The following TG variants were observed in gnomAD, a reference collection of about 807,000 sequenced individuals.
TG encodes thyroid hormones.
A neutral mutation model predicts 324.7 loss-of-function variants in TG; 270 were observed. That is an observed-to-expected ratio of 0.83 (90% confidence interval 0.75 to 0.92). The LOEUF (loss-of-function observed/expected upper bound fraction) is 0.92. Among genes scored for constraint, TG ranks in the 40% least tolerant of loss-of-function variants. TG has a pLI of 0.00. For synonymous variants in TG, 1,401 were observed against 1,327.0 expected (o/e 1.06, Z -1.21); for missense variants, 3,591 against 3,456.4 (o/e 1.04, Z -0.98).
At chr8:132,956,937 G>A (rs562115853) in intron 27 of TG, among the ~76,000 whole-genome samples, 1 of 152,142 alleles carries the variant, frequency 6.6e-6, no homozygotes, top group Non-Finnish European at 1.5e-5. Context: ...GAGACTGATG[G>A]AGAAGGAGTC....
intron 5 of TG, among the ~76,000 whole-genome samples, chr8:132,875,437 G>A (rs1425017875): frequency 6.6e-6 from 1 of 152,198 alleles, no homozygotes; most frequent in Non-Finnish European, 1.5e-5. Flanking sequence ...GAAACACAGA[G>A]GTTAAGGAAC....
chr8:133,031,239 T>G (rs887965016), intron 41 of TG, among the ~76,000 whole-genome samples: 1 of 152,224 alleles, frequency 6.6e-6, no homozygotes, highest in African/African-American at 2.4e-5. Flanking sequence ...TGTGTCTGGC[T>G]TATTTCCCTT....
intron 34 of TG, among the ~76,000 whole-genome samples, chr8:132,980,968 C>T (rs1425589518): frequency 6.6e-6 from 1 of 152,082 alleles, no homozygotes; most frequent in Non-Finnish European, 1.5e-5. Flanking sequence ...CTAGTGCCAG[C>T]AGAAGACTTT....
At chr8:133,080,132 G>C (rs969506721) in intron 41 of TG, among the ~76,000 whole-genome samples, 3 of 152,236 alleles carry the variant, frequency 2.0e-5, no homozygotes, top group East Asian at 3.9e-4. Context: ...AATGAGTCCA[G>C]AGTGACTCTG....
intron 10 of TG, among the ~76,000 whole-genome samples, chr8:132,891,978 A>T (rs1816298378): frequency 6.6e-6 from 1 of 152,328 alleles, no homozygotes; most frequent in South Asian, 2.1e-4. Flanking sequence ...TGTGCCAAGC[A>T]CTTCAACTGC....
intron 41 of TG, chr8:133,045,176 T>G: frequency 6.3e-7 from 1 of 1,591,884 alleles, no homozygotes; most frequent in South Asian, 1.1e-5. Context: ...GGCACCCAGC[T>G]AACCAGCCCA....
chr8:133,079,140 G>A lies in TG; in HGVS notation c.7240-15904G>A, dbSNP rs552457539. 3.9e-5 allele frequency among the ~76,000 whole-genome samples: 6 copies of A among 152,268 alleles called. No individual in the cohort carries two copies. In the South Asian group the frequency reaches 6.2e-4, roughly 16 times the overall value. On this transcript the variant is annotated intron_variant, in intron 41 of 47. Transcript: ENST00000220616. Reference sequence around the variant, plus strand: ...AGCAGGTGATGCCCCCACCAAGGACGTCAAGTGTAAGCATGGAGTCAGGCC... The same window carrying A: ...AGCAGGTGATGCCCCCACCAAGGACATCAAGTGTAAGCATGGAGTCAGGCC...
intron 43 of TG, among the ~76,000 whole-genome samples, chr8:133,101,477 G>A (rs1444374257): frequency 1.3e-5 from 2 of 152,152 alleles, no homozygotes; most frequent in Non-Finnish European, 2.9e-5. Flanking sequence ...GTTCTGGAGG[G>A]CCTCAATCTC....
In TG at chr8:132,882,549, C is replaced by T. The variant is rs776369991; in HGVS notation, c.826C>T (p.Leu276=). ...TCCTTCCACCTTCACTGAAACCACC[C>T]TGTACCGGATACTGCAGAGACGGTT... is the stretch of plus-strand genomic sequence containing the variant. ...DLPSTFTETT[L]YRILQRRFLA... is the part of the protein sequence containing the mutation. The change falls in exon 7 of 48, where the codon CTG becomes TTG. Residue 276 remains leucine (L), a synonymous_variant. Coordinates refer to ENST00000220616, the MANE Select transcript of TG (RefSeq NM_003235.5). The T allele has an allele frequency of 1.9e-6, 3 of 1,614,218 alleles. No individual in the cohort carries two copies. The highest frequency in any genetic ancestry group is 1.3e-5 in the African/African-American group (1 of 75,054).
In TG at chr8:132,919,381, T is replaced by C; in HGVS notation, c.4384T>C (p.Cys1462Arg). The C allele has an allele frequency of 3.1e-6, 5 of 1,614,032 alleles. No homozygotes were observed. The highest frequency in any genetic ancestry group is 4.2e-6 in the Non-Finnish European group (5 of 1,179,964). ...ASQDGLGCVKCPEGSYSQDEE... is the reference protein window; with the variant it reads ...ASQDGLGCVKRPEGSYSQDEE... ...ATTTCTCTGTTTTTTTCTAGTTAAG[T>C]GTCCTGAAGGAAGCTATTCCCAAGA... The change falls in exon 21 of 48, where the codon TGT becomes CGT. Residue 1462 changes from cysteine to arginine, a missense_variant. Transcript: ENST00000220616.
chr8:133,033,211 T>C (rs1161612062), intron 41 of TG, among the ~76,000 whole-genome samples: 1 of 152,224 alleles, frequency 6.6e-6, no homozygotes, highest in Non-Finnish European at 1.5e-5. Flanking sequence ...TCTTGAGATG[T>C]TATCAGGACT....
At chr8:133,040,860 C>T (rs547524685) in intron 41 of TG, among the ~76,000 whole-genome samples, 4 of 152,324 alleles carry the variant, frequency 2.6e-5, no homozygotes, top group African/African-American at 7.2e-5. Flanking sequence ...AAGACAATCT[C>T]TCTTTCACTC....
At chr8:132,899,488 C>T (rs1418785279) in intron 14 of TG, among the ~76,000 whole-genome samples, 1 of 152,214 alleles carries the variant, frequency 6.6e-6, no homozygotes, top group Non-Finnish European at 1.5e-5. Context: ...ACCCACTCTG[C>T]TCAGCTTCCA....
At chr8:132,921,060 G>A (rs988419358) in intron 21 of TG, among the ~76,000 whole-genome samples, 1 of 152,192 alleles carries the variant, frequency 6.6e-6, no homozygotes, top group African/African-American at 2.4e-5. Flanking sequence ...CAGAGAAAAA[G>A]AGAGAAAAAT....
intron 41 of TG, chr8:133,049,010 C>T (rs967912531): frequency 2.8e-6 from 1 of 361,404 alleles, no homozygotes. Context: ...ATGTGCTTTG[C>T]ATTTCTTTGC....
chr8:133,042,869 T>C (rs1838575703), intron 41 of TG, among the ~76,000 whole-genome samples: 1 of 151,748 alleles, frequency 6.6e-6, no homozygotes, highest in Admixed American at 6.6e-5. Flanking sequence ...AAATTTTGTA[T>C]TTTTAGTGCA....
At chr8:133,068,656 C>T (rs1337923454) in intron 41 of TG, among the ~76,000 whole-genome samples, 3 of 152,310 alleles carry the variant, frequency 2.0e-5, no homozygotes, top group Middle Eastern at 3.4e-3. Context: ...ACCACACTGA[C>T]GCAAGGGGCT....
At chr8:132,956,348 T>C (rs563478709) in intron 27 of TG, among the ~76,000 whole-genome samples, 1 of 152,206 alleles carries the variant, frequency 6.6e-6, no homozygotes, top group East Asian at 1.9e-4. Flanking sequence ...GTGGGTGATA[T>C]AAAGAGGGGA....
intron 34 of TG, among the ~76,000 whole-genome samples, chr8:132,975,963 G>A (rs1053249079): frequency 2.6e-5 from 4 of 152,144 alleles, no homozygotes; most frequent in African/African-American, 9.7e-5. Context: ...TTTACTGAGT[G>A]TCTGTTTTCA....
Sources: gnomAD v4.1 joint callset for allele counts (sites outside exome capture counted in the v4.1 genomes callset) on GRCh38, gnomAD v4.1.1 for gene constraint, MANE v1.5 for transcripts, NCBI Gene and HGNC (gene_info 2026-07-23, HGNC 2026-07-21) for gene names.